COL5A1: variants seen among roughly 807,000 people sequenced by gnomAD.
The protein encoded by COL5A1 is collagen type V alpha 1 chain.
In COL5A1, 16 loss-of-function variants were observed where a neutral mutation model predicts 263.7. The ratio of observed to expected loss-of-function variants is 0.06; its 90% CI spans 0.04 to 0.09. COL5A1 has a LOEUF of 0.09. Among genes scored for constraint, COL5A1 ranks in the 10% least tolerant of loss-of-function variants. The pLI is 1.00. For synonymous variants in COL5A1, 1,012 were observed against 1,004.5 expected (o/e 1.01, Z -0.14); for missense variants, 2,036 against 2,540.5 (o/e 0.80, Z 4.27).
intron 53 of COL5A1, 38 bp from the exon 54 acceptor site, chr9:134,817,740 G>T: frequency 6.2e-7 from 1 of 1,603,518 alleles, no homozygotes; most frequent in Non-Finnish European, 8.5e-7. Flanking sequence ...ACCCCTGCAG[G>T]CCACACTCAC....
chr9:134,757,353 G>A lies in COL5A1; in HGVS notation c.1881+535G>A, dbSNP rs1243204268. On this transcript the variant is annotated intron_variant, in intron 17 of 65. Coordinates refer to ENST00000371817, the MANE Select transcript of COL5A1 (RefSeq NM_000093.5). The surrounding 1 kb of genome is among the most constrained non-coding windows in gnomAD (Gnocchi z 6.2). ...CCAGCACTGCTGTGAGCATTGCCCC[G>A]GTCTTGGCTCACCCCTCCTCCTCGC... 7.9e-5 allele frequency among the ~76,000 whole-genome samples: 12 copies of A among 152,132 alleles called. No homozygotes were observed. The highest frequency in any genetic ancestry group is 2.1e-4 in the South Asian group (1 of 4,828).
chr9:134,695,218 A>G (rs1290527337), intron 2 of COL5A1, among the ~76,000 whole-genome samples: 1 of 152,064 alleles, frequency 6.6e-6, no homozygotes, highest in Non-Finnish European at 1.5e-5. Flanking sequence ...CAGGACACCC[A>G]GGGTTGGGTG....
chr9:134,695,303 T>C (rs2132559214), intron 2 of COL5A1, among the ~76,000 whole-genome samples: 1 of 151,764 alleles, frequency 6.6e-6, no homozygotes, highest in Non-Finnish European at 1.5e-5. Context: ...TCCTGCACCC[T>C]GGGGCCTGGG....
intron 18 of COL5A1, among the ~76,000 whole-genome samples, chr9:134,759,634 A>G (rs1407737829): frequency 1.3e-5 from 1 of 77,782 alleles, no homozygotes; most frequent in East Asian, 4.8e-4. Context: ...ACATACACCC[A>G]TATTCATACA....
rs768567139 is a variant in COL5A1, at chr9:134,652,290, C to T, written c.109+9994C>T. 1.3e-5 allele frequency among the ~76,000 whole-genome samples: 2 copies of T among 151,266 alleles called. No individual in the cohort carries two copies. The highest frequency in any genetic ancestry group is 2.9e-5 in the Non-Finnish European group (2 of 67,878). On this transcript the variant is annotated intron_variant, in intron 1 of 65. Transcript: ENST00000371817. The surrounding 1 kb of genome is among the most constrained non-coding windows in gnomAD (Gnocchi z 4.4). ...GAGAACACACAGGGCGTCCTTGGGC[C>T]GGTGTGGCGGTAACAGTGAGCTGGT...
At chr9:134,767,375 T>A in intron 24 of COL5A1, 21 bp downstream of exon 24, 1 of 1,612,548 alleles carries the variant, frequency 6.2e-7, no homozygotes, top group Non-Finnish European at 8.5e-7. Flanking sequence ...CTGGGCTGTG[T>A]TGCAGGCCAC....
intron 64 of COL5A1, among the ~76,000 whole-genome samples, chr9:134,831,037 G>A (rs1839597194): frequency 6.6e-6 from 1 of 152,172 alleles, no homozygotes; most frequent in Non-Finnish European, 1.5e-5. Context: ...GGATCCAGTG[G>A]CCCCACTCCC....
rs769578418 is a variant in COL5A1 at position 134,841,443 on chromosome 9, TC to T, written c.5371-711del. 1.3e-5 allele frequency among the ~76,000 whole-genome samples: 2 copies of T among 152,246 alleles called. No homozygotes were observed. Among genetic ancestry groups the T allele is most frequent in the East Asian group, 3.9e-4 (2 of 5,162 alleles). On this transcript the variant is annotated intron_variant, in intron 65 of 65. Coordinates refer to ENST00000371817, the MANE Select transcript of COL5A1 (RefSeq NM_000093.5). This position sits in a 1 kb window ranked among gnomAD's most constrained non-coding sequence, Gnocchi z 4.8. The stretch of plus-strand genomic sequence containing the variant: ...GCCTCTCCTAGGCTTCCATCCCACA[TC>T]CCAGCGCCCAGGGTTGTGCTGTTTT...
At chr9:134,803,135 G>A (rs1838173311) in intron 39 of COL5A1, 140 bp downstream of exon 39, 15 of 764,546 alleles carry the variant, frequency 2.0e-5, no homozygotes, top group East Asian at 1.1e-4. Flanking sequence ...TCCCCAGACC[G>A]CACGTTTTGC....
intron 5 of COL5A1, among the ~76,000 whole-genome samples, chr9:134,728,127 G>T (rs1458874606): frequency 5.3e-5 from 8 of 152,242 alleles, no homozygotes; most frequent in Admixed American, 2.0e-4. Context: ...GGACCCCGTG[G>T]CCCAGGCCAC....
intron 9 of COL5A1, 141 bp downstream of exon 9, chr9:134,732,268 G>A: frequency 1.2e-6 from 1 of 813,234 alleles, no homozygotes; most frequent in Admixed American, 1.9e-5. Context: ...CTGGTCTCGT[G>A]GAGTCCACGC....
chr9:134,822,728 C>T (rs531481946), intron 59 of COL5A1, among the ~76,000 whole-genome samples: 3 of 151,366 alleles, frequency 2.0e-5, no homozygotes, highest in Admixed American at 6.6e-5. Context: ...GCGCCCCCCC[C>T]GCGGCTGTCT....
chr9:134,659,947 C>T (rs1045328691), intron 1 of COL5A1, among the ~76,000 whole-genome samples: 2 of 152,060 alleles, frequency 1.3e-5, no homozygotes, highest in African/African-American at 2.4e-5. Flanking sequence ...TAGTTTCAGC[C>T]GACACACGGC....
intron 4 of COL5A1, among the ~76,000 whole-genome samples, chr9:134,703,784 C>T (rs1460130214): frequency 2.0e-5 from 3 of 151,906 alleles, no homozygotes; most frequent in Non-Finnish European, 4.4e-5. Flanking sequence ...ACTACAGGCG[C>T]CCGCCACCAC....
rs539355981 is a variant in COL5A1, at chr9:134,756,635, C to T, written c.1828-130C>T. On this transcript the variant is annotated intron_variant, in intron 16 of 65. Coordinates refer to ENST00000371817, the MANE Select transcript of COL5A1 (RefSeq NM_000093.5). ...GGGTCCTCGCAGCAGCCCGGCCACT[C>T]GGGCTGTGACCTTGGGGGTGGGCGC... is the stretch of plus-strand genomic sequence containing the variant. The T allele has an allele frequency of 6.7e-5, 68 of 1,013,410 alleles. 1 individual carries two copies. The Middle Eastern group carries it at 2.4e-3, about 35-fold the overall frequency. 62.8% of individuals were successfully genotyped at this position (1,013,410 alleles called of 1,614,324 possible). A position where few individuals can be genotyped will look rare whatever the true frequency, so the allele number is the denominator to read the frequency against.
At chr9:134,656,039 A>T (rs1050586049) in intron 1 of COL5A1, among the ~76,000 whole-genome samples, 2 of 152,154 alleles carry the variant, frequency 1.3e-5, no homozygotes, top group Non-Finnish European at 2.9e-5. Context: ...AGCTTCCTGC[A>T]GGGTGGGGCT....
At chr9:134,703,394 G>A (rs1208575189) in intron 4 of COL5A1, among the ~76,000 whole-genome samples, 1 of 152,218 alleles carries the variant, frequency 6.6e-6, no homozygotes, top group East Asian at 1.9e-4. Flanking sequence ...CACACAGACT[G>A]GGATCAAGTG....
intron 63 of COL5A1, among the ~76,000 whole-genome samples, chr9:134,827,475 T>C (rs747058161): frequency 6.6e-6 from 1 of 152,240 alleles, no homozygotes; most frequent in Non-Finnish European, 1.5e-5. Flanking sequence ...TCCCTCAGTC[T>C]GGCCAGAGGC....
At chr9:134,811,431 G>GC (rs747963944) in intron 45 of COL5A1, 39 bp downstream of exon 45, 81 of 1,612,486 alleles carry the variant, frequency 5.0e-5, no homozygotes, top group Admixed American at 2.5e-4. Flanking sequence ...AAAGCCCCAC[G>GC]CCCCCCCAGA....
Sources: gnomAD v4.1 joint callset for allele counts (sites outside exome capture counted in the v4.1 genomes callset) on GRCh38, gnomAD v4.1.1 for gene constraint, Gnocchi (gnomAD v3.1) non-coding constraint, MANE v1.5 for transcripts, NCBI Gene and HGNC (gene_info 2026-07-23, HGNC 2026-07-21) for gene names.